Variants in RBKS observed in about 807,000 individuals in gnomAD.
The protein encoded by RBKS is ribokinase.
RBKS carries 33 observed loss-of-function variants against 33.9 expected under a neutral mutation model. That is an observed-to-expected ratio of 0.97 (90% CI 0.74 to 1.30). The LOEUF (loss-of-function observed/expected upper bound fraction) is 1.30. Among genes scored for constraint, RBKS ranks in the 50% most tolerant of loss-of-function variants. The pLI, the probability that RBKS is intolerant of heterozygous loss-of-function variation, is 0.00. For missense variants in RBKS, 361 were observed against 392.6 expected (o/e 0.92, Z 0.68); for synonymous variants, 125 against 143.0 (o/e 0.87, Z 0.90).
chr2:27,821,963 C>T (rs193236313), intron 7 of RBKS, among the ~76,000 whole-genome samples: 6 of 152,296 alleles, frequency 3.9e-5, no homozygotes, highest in Middle Eastern at 3.4e-3. Flanking sequence ...ACAGAAGCTT[C>T]TGGACAGAAA....
At chr2:27,804,230 A>G (rs1463259204) in intron 7 of RBKS, among the ~76,000 whole-genome samples, 2 of 152,220 alleles carry the variant, frequency 1.3e-5, no homozygotes, top group Non-Finnish European at 2.9e-5. Context: ...TATAATTAAT[A>G]TACATATAAT....
intron 1 of RBKS, among the ~76,000 whole-genome samples, chr2:27,878,643 A>T (rs1243150281): frequency 6.6e-6 from 1 of 152,058 alleles, no homozygotes; most frequent in Non-Finnish European, 1.5e-5. Context: ...TTACAGTCCC[A>T]CCAACAGTGT....
At chr2:27,789,913 GTGTTTGTGTGTGTA>G (rs1558532918) in intron 7 of RBKS, among the ~76,000 whole-genome samples, 5 of 121,472 alleles carry the variant, frequency 4.1e-5, no homozygotes, top group Admixed American at 8.5e-5. Flanking sequence ...GTGTGTGTGT[GTGTTTGTGTGTGTA>G]TATATATATA....
At chr2:27,878,181 C>G (rs1274336576) in intron 1 of RBKS, among the ~76,000 whole-genome samples, 1 of 151,806 alleles carries the variant, frequency 6.6e-6, no homozygotes, top group African/African-American at 2.4e-5. Context: ...TCCCTCCCCC[C>G]TGCCCCCACC....
chr2:27,784,138 T>C (rs562755337), intron 7 of RBKS, among the ~76,000 whole-genome samples: 3,051 of 148,890 alleles, frequency 0.02, 128 homozygotes, highest in African/African-American at 0.07. Context: ...CGCCCGCCAC[T>C]ACGCCCGGCT....
intron 7 of RBKS, among the ~76,000 whole-genome samples, chr2:27,799,807 T>C (rs572179148): frequency 1.3e-5 from 2 of 152,328 alleles, no homozygotes; most frequent in South Asian, 4.1e-4. Flanking sequence ...GCTGCTGAGA[T>C]GGCTCATACT....
chr2:27,843,288 T>C (rs964910553), intron 4 of RBKS, 57 bp from the exon 5 acceptor site: 2 of 1,346,456 alleles, frequency 1.5e-6, no homozygotes, highest in African/African-American at 2.9e-5. Context: ...CAAATGATAT[T>C]CTGCAGTGTT....
intron 1 of RBKS, among the ~76,000 whole-genome samples, chr2:27,884,592 C>A (rs990569714): frequency 2.0e-5 from 3 of 152,076 alleles, no homozygotes; most frequent in Non-Finnish European, 4.4e-5. Context: ...GCTTCATCCG[C>A]TTTGGATCTA....
intron 5 of RBKS, among the ~76,000 whole-genome samples, chr2:27,833,620 G>C (rs963305285): frequency 1.3e-5 from 2 of 152,158 alleles, no homozygotes; most frequent in African/African-American, 4.8e-5. Flanking sequence ...GGGTCCTCTG[G>C]CTTTAAGTTC....
chr2:27,861,352 C>A, intron 1 of RBKS: 1 of 409,758 alleles, frequency 2.4e-6, no homozygotes, highest in South Asian at 1.9e-5. Flanking sequence ...ATTAGGGAAG[C>A]AGGGGGAGAC....
intron 7 of RBKS, among the ~76,000 whole-genome samples, chr2:27,819,634 G>C (rs1678160346): frequency 6.6e-6 from 1 of 152,186 alleles, no homozygotes; most frequent in Non-Finnish European, 1.5e-5. Flanking sequence ...TGTGGCAAAA[G>C]CCAGAGTTAA....
At chr2:27,827,455 A>G in intron 7 of RBKS, 112 bp downstream of exon 7, 1 of 896,506 alleles carries the variant, frequency 1.1e-6, no homozygotes, top group Non-Finnish European at 1.6e-6. Flanking sequence ...CTTTTACCAT[A>G]TCACTTACTA....
In RBKS at chr2:27,878,663, T is replaced by C. The variant is rs377113961; in HGVS notation, c.89+11594A>G. On this transcript the variant is annotated intron_variant, in intron 1 of 7. Transcript: ENST00000302188. ...GTCCCACCAACAGTGTAAAAGTGTTTCTATTTCTCCACATCCTCTCCAGCA... is the reference window on the plus strand; with the variant it reads ...GTCCCACCAACAGTGTAAAAGTGTTCCTATTTCTCCACATCCTCTCCAGCA... 2.9e-4 allele frequency among the ~76,000 whole-genome samples: 44 copies of C among 152,062 alleles called. 1 individual carries two copies. The East Asian group carries it at 3.5e-3, about 12-fold the overall frequency.
chr2:27,855,213 CAGAT>C (rs897389394), intron 2 of RBKS, among the ~76,000 whole-genome samples: 19 of 152,358 alleles, frequency 1.2e-4, no homozygotes, highest in Non-Finnish European at 2.4e-4. Context: ...GAAGGGAAAA[CAGAT>C]AGCTACCTGT....
intron 1 of RBKS, among the ~76,000 whole-genome samples, chr2:27,876,173 G>C (rs1450623060): frequency 1.3e-5 from 2 of 152,096 alleles, no homozygotes; most frequent in Non-Finnish European, 2.9e-5. Flanking sequence ...GGCTCAAACA[G>C]GTATTTGTAT....
At chr2:27,884,094 C>G (rs1664476499) in intron 1 of RBKS, among the ~76,000 whole-genome samples, 1 of 152,100 alleles carries the variant, frequency 6.6e-6, no homozygotes, top group Admixed American at 6.5e-5. Flanking sequence ...GATCAATATT[C>G]CTTTTTTAGT....
intron 1 of RBKS, among the ~76,000 whole-genome samples, chr2:27,873,827 C>CA (rs1454000923): frequency 5.1e-5 from 7 of 137,174 alleles, no homozygotes; most frequent in African/African-American, 1.1e-4. Context: ...ATCTGGGAAA[C>CA]AAACAAAAAA....
chr2:27,784,667 G>A (rs964355931), intron 7 of RBKS, among the ~76,000 whole-genome samples: 1 of 152,188 alleles, frequency 6.6e-6, no homozygotes, highest in South Asian at 2.1e-4. Context: ...GTGAGCTCAT[G>A]AGACCATGAG....
chr2:27,875,904 G>A (rs1032026068), intron 1 of RBKS, among the ~76,000 whole-genome samples: 1 of 152,034 alleles, frequency 6.6e-6, no homozygotes, highest in African/African-American at 2.4e-5. Context: ...ATGCAAAATT[G>A]CATAAGAGGA....
Sources: gnomAD v4.1 joint callset for allele counts (sites outside exome capture counted in the v4.1 genomes callset) on GRCh38, gnomAD v4.1.1 for gene constraint, MANE v1.5 for transcripts, NCBI Gene and HGNC (gene_info 2026-07-23, HGNC 2026-07-21) for gene names.